Variants in NOTCH3 observed in about 807,000 individuals in gnomAD.
The protein encoded by NOTCH3 is notch receptor 3.
A neutral mutation model predicts 213.3 loss-of-function variants in NOTCH3; 86 were observed. That is an observed-to-expected ratio of 0.40 (90% CI 0.34 to 0.48). NOTCH3 has a LOEUF of 0.48. NOTCH3 is among the 20% of genes least tolerant of loss of function. The pLI is 0.57. For synonymous variants in NOTCH3, 1,354 were observed against 1,355.9 expected (o/e 1.00, Z 0.03); for missense variants, 2,783 against 3,272.6 (o/e 0.85, Z 3.65).
Position 15,188,975 on chromosome 19 carries a change from C to T in NOTCH3, c.1378+14G>A, listed in dbSNP as rs1163418107. On this transcript the variant is annotated intron_variant, in intron 8 of 32. Transcript: ENST00000263388. ...CCTGCCTCAGGACCCGCCCAGGCCA[C>T]GCCCACCACCCACCTGCCATACAGA... The T allele has an allele frequency of 1.9e-6, 3 of 1,605,306 alleles. No individual in the cohort carries two copies. The highest frequency in any genetic ancestry group is 1.7e-4 in the Middle Eastern group (1 of 6,036).
In NOTCH3 at chr19:15,185,690, C is replaced by T. The variant is rs1422424368; in HGVS notation, c.1952-11G>A. 1 of 1,612,394 alleles carries T rather than the reference C, an allele frequency of 6.2e-7. No homozygotes were observed. The highest frequency in any genetic ancestry group is 8.5e-7 in the Non-Finnish European group (1 of 1,179,960). On this transcript the variant is annotated splice_polypyrimidine_tract_variant and intron_variant, in intron 12 of 32. Transcript: ENST00000263388. The surrounding 1 kb of genome is among the most constrained non-coding windows in gnomAD (Gnocchi z 4.2). ...CGTTACAAAGGGGCCCTGGGGAGTA[C>T]ACAAGCAATCTCATCTCAGAACAAA...
At chr19:15,186,607 G>A (rs1044483955) in intron 12 of NOTCH3, among the ~76,000 whole-genome samples, 17 of 152,082 alleles carry the variant, frequency 1.1e-4, no homozygotes, top group Admixed American at 2.0e-4. Context: ...GCTTCGCAAC[G>A]TTGGCCACGC....
rs941454529 is a variant in NOTCH3, at chr19:15,160,102, C to A, written c.*560G>T. 8.5e-6 allele frequency: 2 copies of A among 234,420 alleles called. No homozygotes were observed. The highest frequency in any genetic ancestry group is 1.7e-5 in the Non-Finnish European group (2 of 118,770). 14.5% of individuals were successfully genotyped at this position (234,420 alleles called of 1,614,324 possible). On this transcript the variant is annotated 3_prime_UTR_variant, in exon 33 of 33. Coordinates refer to ENST00000263388, the MANE Select transcript of NOTCH3 (RefSeq NM_000435.3). ...CCCAAGGGTGCCTACTTGGTACATA[C>A]CTGGGTCGTGTACTCGGTACACGGG...
intron 2 of NOTCH3, 52 bp downstream of exon 2, chr19:15,197,448 C>A (rs1599400208): frequency 3.8e-6 from 3 of 797,782 alleles, no homozygotes; most frequent in East Asian, 2.6e-5. Flanking sequence ...ATCGCCCCTC[C>A]CCCCCGCCCC....
chr19:15,188,563 G>A (rs889845229), intron 8 of NOTCH3, among the ~76,000 whole-genome samples: 5 of 152,076 alleles, frequency 3.3e-5, no homozygotes, highest in African/African-American at 1.2e-4. Flanking sequence ...TGTCCGCAGA[G>A]GCCTTGCCTT....
In NOTCH3 at chr19:15,197,587, GGGTGAAGGAA is replaced by G; in HGVS notation, c.119-19_119-10del. The G allele has an allele frequency of 6.2e-7, 1 of 1,610,852 alleles. No homozygotes were observed. On this transcript the variant is annotated splice_polypyrimidine_tract_variant and intron_variant, in intron 1 of 32. Transcript: ENST00000263388. Reference sequence around the variant, plus strand: ...GTCCAGGCAAGGGGGGGCTGTGTGGGGGTGAAGGAAGGTGGAGGATCAGCCAGGTGCCCAG... The same window carrying G: ...GTCCAGGCAAGGGGGGGCTGTGTGGGGGTGGAGGATCAGCCAGGTGCCCAG...
rs1445358151 is a variant in NOTCH3, at chr19:15,170,073, G to A, written c.5199+13C>T. The A allele has an allele frequency of 2.6e-6, 4 of 1,529,612 alleles. No individual in the cohort carries two copies. The highest frequency in any genetic ancestry group is 2.7e-5 in the African/African-American group (2 of 73,466). 94.8% of individuals were successfully genotyped at this position (1,529,612 alleles called of 1,614,324 possible). A position where few individuals can be genotyped will look rare whatever the true frequency, so the allele number is the denominator to read the frequency against. ...GTCAGAGGAGGGGGCAAAGGTCAGA[G>A]GGGGGGCAGTACCTTTAGCCGCTTG... On this transcript the variant is annotated intron_variant, in intron 28 of 32. Transcript: ENST00000263388.
chr19:15,181,949 C>A (rs952304944), intron 16 of NOTCH3, 148 bp from the exon 17 acceptor site: 14 of 700,846 alleles, frequency 2.0e-5, no homozygotes, highest in African/African-American at 5.3e-5. Context: ...CTAAATCCAT[C>A]CCCTTCTGTG....
rs1338804556 is a variant in NOTCH3, at chr19:15,160,261, A to G, written c.*401T>C. ...TCCATATATATATTTTGTAAAAAAT[A>G]ATAATAATAAGTTTGTTTAAATGAA... On this transcript the variant is annotated 3_prime_UTR_variant, in exon 33 of 33. Coordinates refer to ENST00000263388, the MANE Select transcript of NOTCH3 (RefSeq NM_000435.3). 8.3e-6 allele frequency: 2 copies of G among 241,044 alleles called. No individual in the cohort carries two copies. Among genetic ancestry groups the G allele is most frequent in the Non-Finnish European group, 1.6e-5 (2 of 123,684 alleles). 14.9% of individuals were successfully genotyped at this position (241,044 alleles called of 1,614,324 possible).
At chr19:15,173,066 T>TCTTCCTCTTCC (rs1568351252) in intron 25 of NOTCH3, among the ~76,000 whole-genome samples, 1 of 5,158 alleles carries the variant, frequency 1.9e-4, no homozygotes, top group African/African-American at 2.0e-3. Context: ...CTTCTTCTTC[T>TCTTCCTCTTCC]TCTTCTTCTT....
rs1301552947 is a variant in NOTCH3, at chr19:15,161,723, C to A, written c.5914-9G>T. The A allele has an allele frequency of 6.2e-7, 1 of 1,612,092 alleles. No homozygotes were observed. Among genetic ancestry groups the A allele is most frequent in the Middle Eastern group, 1.7e-4 (1 of 5,962 alleles). On this transcript the variant is annotated splice_polypyrimidine_tract_variant and intron_variant, in intron 32 of 32. Coordinates refer to ENST00000263388, the MANE Select transcript of NOTCH3 (RefSeq NM_000435.3). ...AATAGGGGGGTCTCCTCCTGGGGGGCCAGAACCCACAGAGGTCAGCGAAAC... is the reference window on the plus strand; with the variant it reads ...AATAGGGGGGTCTCCTCCTGGGGGGACAGAACCCACAGAGGTCAGCGAAAC...
Position 15,177,761 on chromosome 19 carries a change from G to T in NOTCH3, c.4167C>A (p.Arg1389=), listed in dbSNP as rs910819586. The T allele has an allele frequency of 2.9e-6, 4 of 1,382,074 alleles. No homozygotes were observed. The African/African-American group carries it at 6.1e-5, about 21-fold the overall frequency. The allele number at this position is 1,382,074 out of a possible 1,614,324, so 85.6% of individuals were successfully genotyped here. ...PEVSEEPRCP[R]AACQAKRGDQ... Reference sequence around the variant, plus strand: ...CCCCGCGCTTGGCCTGGCAGGCGGCGCGCGGGCACCGCGGCTCCTCCGAGA... The same window carrying T: ...CCCCGCGCTTGGCCTGGCAGGCGGCTCGCGGGCACCGCGGCTCCTCCGAGA... Residue 1389 remains arginine (R), a synonymous_variant, in exon 24 of 33, where the codon CGC becomes CGA. Coordinates refer to ENST00000263388, the MANE Select transcript of NOTCH3 (RefSeq NM_000435.3).
intron 17 of NOTCH3, 90 bp from the exon 18 acceptor site, chr19:15,181,252 C>G (rs1460839547): frequency 1.7e-6 from 2 of 1,188,682 alleles, no homozygotes; most frequent in Admixed American, 2.0e-5. Flanking sequence ...GCGCTGGGGA[C>G]GTCCCACTCC....
At chr19:15,182,163 C>T (rs1221425764) in intron 16 of NOTCH3, among the ~76,000 whole-genome samples, 1 of 151,972 alleles carries the variant, frequency 6.6e-6, no homozygotes, top group African/African-American at 2.4e-5. Context: ...TGGAGATGTG[C>T]TATAAATGTA....
Position 15,192,127 on chromosome 19 carries a change from C to T in NOTCH3, c.512G>A (p.Gly171Asp). Residue 171 changes from glycine to aspartate, a missense_variant, in exon 4 of 33, where the codon GGT becomes GAT. This residue lies in a region of NOTCH3 where 708 missense variants were observed against 906.6 expected (regional missense o/e 0.78). Coordinates refer to ENST00000263388, the MANE Select transcript of NOTCH3 (RefSeq NM_000435.3). The part of the protein sequence containing the change: ...ECRVGEPCRH[G>D]GTCLNTPGSF... Reference sequence around the variant, plus strand: ...GCCAGGTGTGTTGAGGCAGGTGCCACCATGGCGGCAGGGCTCACCCACCCG... The same window carrying T: ...GCCAGGTGTGTTGAGGCAGGTGCCATCATGGCGGCAGGGCTCACCCACCCG... 6.2e-7 allele frequency: 1 copy of T among 1,613,016 alleles called. No individual in the cohort carries two copies. Among genetic ancestry groups the T allele is most frequent in the South Asian group, 1.1e-5 (1 of 91,086 alleles).
Position 15,185,414 on chromosome 19 carries a change from A to C in NOTCH3, c.2145-6T>G. 5.6e-6 allele frequency: 9 copies of C among 1,611,904 alleles called. No individual in the cohort carries two copies. Among genetic ancestry groups the C allele is most frequent in the Non-Finnish European group, 7.6e-6 (9 of 1,179,218 alleles). On this transcript the variant is annotated splice_region_variant and splice_polypyrimidine_tract_variant and intron_variant, in intron 13 of 32. Transcript: ENST00000263388. This position sits in a 1 kb window ranked among gnomAD's most constrained non-coding sequence, Gnocchi z 4.2. ...GCTCACACACACAGCGGAACCTGGCAGGGGAAGGTAGTCAGGCCAGGGAGG... is the reference window on the plus strand; with the variant it reads ...GCTCACACACACAGCGGAACCTGGCCGGGGAAGGTAGTCAGGCCAGGGAGG...
rs1436414482 is a variant in NOTCH3 at position 15,165,904 on chromosome 19, G to A, written c.5550C>T (p.Ala1850=). The A allele has an allele frequency of 6.2e-7, 1 of 1,614,128 alleles. No individual in the cohort carries two copies. Among genetic ancestry groups the A allele is most frequent in the Non-Finnish European group, 8.5e-7 (1 of 1,180,022 alleles). The stretch of plus-strand genomic sequence containing the variant: ...GCAGCCGCTTGGCTGCATCAGCACG[G>A]GCATAACGGGCAGCCAGGTGCAAAG... ...ETALHLAARY[A]RADAAKRLLD... The change falls in exon 30 of 33, where the codon GCC becomes GCT. Residue 1850 remains alanine, a synonymous_variant. Transcript: ENST00000263388. This position sits in a 1 kb window ranked among gnomAD's most constrained non-coding sequence, Gnocchi z 4.7.
At chr19:15,197,356 C>T in intron 2 of NOTCH3, 144 bp downstream of exon 2, 1 of 779,920 alleles carries the variant, frequency 1.3e-6, no homozygotes, top group South Asian at 1.5e-5. Context: ...AATGGGGAAA[C>T]ACGAGAGGTT....
chr19:15,181,253 G>T, intron 17 of NOTCH3, 91 bp from the exon 18 acceptor site: 1 of 1,188,180 alleles, frequency 8.4e-7, no homozygotes, highest in Non-Finnish European at 1.2e-6. Context: ...CGCTGGGGAC[G>T]TCCCACTCCC....
Sources: gnomAD v4.1 joint callset for allele counts (sites outside exome capture counted in the v4.1 genomes callset) on GRCh38, gnomAD v4.1.1 for gene constraint, gnomAD v4.1.1 regional missense constraint, Gnocchi (gnomAD v3.1) non-coding constraint, MANE v1.5 for transcripts, NCBI Gene and HGNC (gene_info 2026-07-23, HGNC 2026-07-21) for gene names.